Variants in MALRD1 observed in about 807,000 individuals in gnomAD.
MALRD1 encodes the protein MAM and LDL receptor class A domain containing 1, also known as MAM and LDL-receptor class A domain-containing protein 1.
A neutral mutation model predicts 242.1 loss-of-function variants in MALRD1; 247 were observed. The ratio of observed to expected loss-of-function variants is 1.02; its 90% CI spans 0.92 to 1.13. The LOEUF is 1.13. Ranked by LOEUF, MALRD1 falls within the 50% of genes most tolerant of loss-of-function variation. MALRD1 has a pLI of 0.00. For synonymous variants in MALRD1, 995 were observed against 866.6 expected (o/e 1.15, Z -2.60); for missense variants, 2,989 against 2,533.1 (o/e 1.18, Z -3.86).
At chr10:19,285,197 TA>T (rs1354550009) in intron 21 of MALRD1, among the ~76,000 whole-genome samples, 2 of 145,424 alleles carry the variant, frequency 1.4e-5, no homozygotes, top group Non-Finnish European at 1.5e-5. Flanking sequence ...TCCCATTTTG[TA>T]GGTTTCCTGT....
At chr10:19,618,497 A>T (rs1395242552) in intron 36 of MALRD1, among the ~76,000 whole-genome samples, 1 of 151,972 alleles carries the variant, frequency 6.6e-6, no homozygotes, top group Admixed American at 6.6e-5. Context: ...AGCATCTGAT[A>T]TTTTTTGACT....
chr10:19,088,122 A>T lies in MALRD1; in HGVS notation c.534A>T (p.Thr178=). The T allele has an allele frequency of 1.6e-6, 2 of 1,233,578 alleles. No individual in the cohort carries two copies. The highest frequency in any genetic ancestry group is 2.0e-6 in the Non-Finnish European group (2 of 987,894). 76.4% of individuals were successfully genotyped at this position (1,233,578 alleles called of 1,614,324 possible). A position where few individuals can be genotyped will look rare whatever the true frequency, so the allele number is the denominator to read the frequency against. The change falls in exon 4 of 40, where the codon ACA becomes ACT. Residue 178 remains threonine (T), a synonymous_variant. Coordinates refer to ENST00000454679, the MANE Select transcript of MALRD1 (RefSeq NM_001142308.3). ...CTATTCAGCATTTATGGCAAAACAC[A>T]GCTGCACTCCCAAATCAGTGGGAGA... is the stretch of plus-strand genomic sequence containing the variant. ...GGPIQHLWQN[T]AALPNQWERN... is the part of the protein sequence containing the mutation.
intron 31 of MALRD1, among the ~76,000 whole-genome samples, chr10:19,530,441 AT>A (rs1834350969): frequency 2.3e-5 from 1 of 44,220 alleles, no homozygotes; most frequent in Non-Finnish European, 9.8e-5. Context: ...TATATATAAT[AT>A]ATAATATATA....
intron 38 of MALRD1, among the ~76,000 whole-genome samples, chr10:19,706,433 C>T (rs568022653): frequency 2.0e-5 from 3 of 152,008 alleles, no homozygotes; most frequent in Admixed American, 6.6e-5. Flanking sequence ...CCCCTTGGCC[C>T]CGGGTTCAAG....
At chr10:19,659,914 A>G (rs1374260253) in intron 36 of MALRD1, among the ~76,000 whole-genome samples, 1 of 152,086 alleles carries the variant, frequency 6.6e-6, no homozygotes, top group Non-Finnish European at 1.5e-5. Flanking sequence ...AATAACAGGT[A>G]TTGAATTTTC....
chr10:19,548,834 C>G (rs190426416), intron 32 of MALRD1, among the ~76,000 whole-genome samples: 38 of 152,282 alleles, frequency 2.5e-4, no homozygotes, highest in African/African-American at 7.0e-4. Flanking sequence ...AAGAACAGCA[C>G]TTCTCCTACT....
At chr10:19,206,464 T>C (rs1836790963) in intron 17 of MALRD1, among the ~76,000 whole-genome samples, 1 of 152,190 alleles carries the variant, frequency 6.6e-6, no homozygotes, top group Admixed American at 6.5e-5. Flanking sequence ...TTTCATCTTT[T>C]CAAGCTCTCT....
chr10:19,272,570 G>A (rs907609516), intron 19 of MALRD1, among the ~76,000 whole-genome samples: 2 of 152,012 alleles, frequency 1.3e-5, no homozygotes, highest in South Asian at 2.1e-4. Context: ...GAACGTGCAG[G>A]TTTGTTACAT....
intron 21 of MALRD1, among the ~76,000 whole-genome samples, chr10:19,284,503 T>C (rs1387192723): frequency 3.3e-5 from 5 of 149,844 alleles, no homozygotes; most frequent in Non-Finnish European, 7.4e-5. Context: ...TATGCGGTGT[T>C]TGGTTTTTTG....
chr10:19,618,407 G>A lies in MALRD1; in HGVS notation c.6137+2484G>A, dbSNP rs528116360. Among the ~76,000 whole-genome samples the A allele has an allele frequency of 1.9e-4, 29 of 152,082 alleles. No individual in the cohort carries two copies. In the South Asian group the frequency reaches 3.3e-3, roughly 17 times the overall value. On this transcript the variant is annotated intron_variant, in intron 36 of 39. Coordinates refer to ENST00000454679, the MANE Select transcript of MALRD1 (RefSeq NM_001142308.3). ...GTTTTTAGCTCTTTGAGGAATCACC[G>A]CACTGCTTTGACAATGGTTGAAGTA... is the stretch of plus-strand genomic sequence containing the variant.
chr10:19,531,444 C>A, intron 32 of MALRD1, 93 bp downstream of exon 32: 1 of 1,276,718 alleles, frequency 7.8e-7, no homozygotes, highest in South Asian at 1.7e-5. Context: ...TTTTGTTGGT[C>A]ACACCGCCAG....
At chr10:19,171,973 ATATATAT>A (rs1835004308) in intron 13 of MALRD1, among the ~76,000 whole-genome samples, 1 of 9,196 alleles carries the variant, frequency 1.1e-4, no homozygotes, top group African/African-American at 1.1e-3. Context: ...CATATATGTG[ATATATAT>A]CATATAATAT....
At chr10:19,659,993 T>C (rs2131730248) in intron 36 of MALRD1, among the ~76,000 whole-genome samples, 1 of 152,278 alleles carries the variant, frequency 6.6e-6, no homozygotes, top group East Asian at 1.9e-4. Flanking sequence ...TTACAGTGCC[T>C]TTAGCTGTAA....
intron 34 of MALRD1, among the ~76,000 whole-genome samples, chr10:19,604,352 T>C (rs773108892): frequency 5.9e-5 from 9 of 152,180 alleles, no homozygotes; most frequent in Non-Finnish European, 1.3e-4. Flanking sequence ...CCAGACTTTC[T>C]GTCAAAATGG....
intron 32 of MALRD1, 134 bp downstream of exon 32, chr10:19,531,485 T>G (rs1834415472): frequency 4.6e-6 from 4 of 864,120 alleles, no homozygotes; most frequent in Non-Finnish European, 6.6e-6. Flanking sequence ...CATTTCTTTC[T>G]GGGGCAGTGG....
At chr10:19,129,312 T>C (rs1837380222) in intron 8 of MALRD1, among the ~76,000 whole-genome samples, 1 of 152,146 alleles carries the variant, frequency 6.6e-6, no homozygotes, top group African/African-American at 2.4e-5. Flanking sequence ...GAAAACACTT[T>C]ACTCATGTTA....
intron 38 of MALRD1, among the ~76,000 whole-genome samples, chr10:19,696,752 A>T (rs79247189): frequency 2.1e-4 from 27 of 130,050 alleles, no homozygotes; most frequent in African/African-American, 5.8e-4. Context: ...GCCCAAAATT[A>T]AAAAAAAAAA....
chr10:19,217,715 C>CG (rs201567205), intron 18 of MALRD1, among the ~76,000 whole-genome samples: 5,539 of 151,922 alleles, frequency 0.036, 260 homozygotes, highest in East Asian at 0.18. Flanking sequence ...TTAGTAGAGA[C>CG]GGATTTCGCT....
At chr10:19,698,818 C>T (rs868444754) in intron 38 of MALRD1, among the ~76,000 whole-genome samples, 29 of 152,008 alleles carry the variant, frequency 1.9e-4, no homozygotes, top group Non-Finnish European at 1.5e-4. Flanking sequence ...GTATTCTGTC[C>T]CAGCAAGTCT....
Sources: gnomAD v4.1 joint callset for allele counts (sites outside exome capture counted in the v4.1 genomes callset) on GRCh38, gnomAD v4.1.1 for gene constraint, MANE v1.5 for transcripts, NCBI Gene and HGNC (gene_info 2026-07-23, HGNC 2026-07-21) for gene names.